Variants in ARID1B observed in about 807,000 individuals in gnomAD.
ARID1B encodes AT-rich interaction domain 1B, also known as AT-rich interactive domain-containing protein 1B.
In ARID1B, 30 loss-of-function variants were observed where a neutral mutation model predicts 212.3. The ratio of observed to expected loss-of-function variants is 0.14; its 90% confidence interval spans 0.11 to 0.19. The LOEUF is 0.19. Among genes scored for constraint, ARID1B ranks in the 10% least tolerant of loss-of-function variants. The pLI, the probability that ARID1B is intolerant of heterozygous loss-of-function variation, is 1.00. For synonymous variants in ARID1B, 1,402 were observed against 1,301.7 expected (o/e 1.08, Z -1.66); for missense variants, 2,891 against 3,204.0 (o/e 0.90, Z 2.36).
At chr6:156,900,304 T>C (rs1163383985) in intron 2 of ARID1B, among the ~76,000 whole-genome samples, 1 of 152,204 alleles carries the variant, frequency 6.6e-6, no homozygotes, top group East Asian at 1.9e-4. Flanking sequence ...TACCCCATTG[T>C]ATATGTTAGG....
intron 15 of ARID1B, 123 bp from the exon 16 acceptor site, chr6:157,196,042 G>C: frequency 8.0e-7 from 1 of 1,248,782 alleles, no homozygotes; most frequent in Non-Finnish European, 1.1e-6. Flanking sequence ...CTGGGCGACA[G>C]AGTGAGACTC....
chr6:157,186,895 G>T (rs1228243339), intron 13 of ARID1B, among the ~76,000 whole-genome samples: 1 of 152,158 alleles, frequency 6.6e-6, no homozygotes, highest in Non-Finnish European at 1.5e-5. Context: ...TCAATTTGGG[G>T]TGCTAATACA....
At chr6:156,940,157 T>C (rs1792560704) in intron 4 of ARID1B, 1 of 152,220 alleles carries the variant, frequency 6.6e-6, no homozygotes, top group East Asian at 1.9e-4. Context: ...ACAATCAGTT[T>C]GGAATACAAT....
chr6:157,037,998 T>C (rs2128509862), intron 4 of ARID1B, among the ~76,000 whole-genome samples: 1 of 152,378 alleles, frequency 6.6e-6, no homozygotes, highest in South Asian at 2.1e-4. Context: ...CAGACCTGAA[T>C]TGTCGATCAA....
chr6:156,917,135 T>C (rs76042686), intron 3 of ARID1B, among the ~76,000 whole-genome samples: 1 of 143,846 alleles, frequency 7.0e-6, no homozygotes, highest in African/African-American at 2.8e-5. Flanking sequence ...GAAGTCACCA[T>C]TTTTTTTTTA....
chr6:156,784,258 G>T (rs1779481613), intron 1 of ARID1B, among the ~76,000 whole-genome samples: 1 of 152,164 alleles, frequency 6.6e-6, no homozygotes, highest in East Asian at 1.9e-4. Context: ...GTGTGTGCTT[G>T]CTTGAGGCTG....
At position 156,778,180 on chromosome 6, in the gene ARID1B, A is replaced by ACCACCACCACCACCATGC. The variant is rs750515649; in HGVS notation, c.516_533dup (p.Ala173_His178dup). On this transcript the variant is annotated inframe_insertion, in exon 1 of 20. Transcript: ENST00000636930. Reference sequence around the variant, plus strand: ...CCCGCCGCGCCGCCCCACCAGCAGCACCACCACCACCACCATGCCCACCAC... The same window carrying ACCACCACCACCACCATGC: ...CCCGCCGCGCCGCCCCACCAGCAGCACCACCACCACCACCATGCCCACCACCACCACCATGCCCACCAC... 2.6e-6 allele frequency: 4 copies of ACCACCACCACCACCATGC among 1,532,956 alleles called. No homozygotes were observed. Among genetic ancestry groups the ACCACCACCACCACCATGC allele is most frequent in the Non-Finnish European group, 2.6e-6 (3 of 1,142,624 alleles). 95.0% of individuals were successfully genotyped at this position (1,532,956 alleles called of 1,614,324 possible).
intron 4 of ARID1B, among the ~76,000 whole-genome samples, chr6:156,971,743 G>A (rs1776942770): frequency 6.6e-6 from 1 of 152,130 alleles, no homozygotes; most frequent in African/African-American, 2.4e-5. Flanking sequence ...TGGAGCTCAT[G>A]GCACCTTGCT....
At chr6:156,956,492 C>T (rs1047006108) in intron 4 of ARID1B, among the ~76,000 whole-genome samples, 3 of 152,082 alleles carry the variant, frequency 2.0e-5, no homozygotes, top group Admixed American at 2.0e-4. Context: ...GGGACAGCAG[C>T]CCTTTCTGTG....
At chr6:156,927,539 A>G (rs193004456) in intron 3 of ARID1B, among the ~76,000 whole-genome samples, 1 of 152,214 alleles carries the variant, frequency 6.6e-6, no homozygotes, top group East Asian at 1.9e-4. Flanking sequence ...TGGTGGCATT[A>G]TTGATGCTCT....
At position 157,203,510 on chromosome 6, in the gene ARID1B, G is replaced by T; in HGVS notation, c.5264-356G>T. The T allele has an allele frequency of 5.0e-6, 1 of 199,936 alleles. No homozygotes were observed. The highest frequency in any genetic ancestry group is 1.0e-5 in the Non-Finnish European group (1 of 97,490). 12.4% of individuals were successfully genotyped at this position (199,936 alleles called of 1,614,324 possible). A position where few individuals can be genotyped will look rare whatever the true frequency, so the allele number is the denominator to read the frequency against. On this transcript the variant is annotated intron_variant, in intron 18 of 19. Coordinates refer to ENST00000636930, the MANE Select transcript of ARID1B (RefSeq NM_001374828.1). This position sits in a 1 kb window ranked among gnomAD's most constrained non-coding sequence, Gnocchi z 4.4. ...CAAAAGAAGACAAATACCACTTTTG[G>T]GTTTGACTCATTTATTAAAAGCTCT...
chr6:156,803,324 A>T (rs1444530308), intron 1 of ARID1B, among the ~76,000 whole-genome samples: 1 of 152,140 alleles, frequency 6.6e-6, no homozygotes, highest in African/African-American at 2.4e-5. Flanking sequence ...ATTTCCTGTG[A>T]TTTTTCAGTA....
At chr6:157,102,203 T>A (rs1171739822) in intron 5 of ARID1B, among the ~76,000 whole-genome samples, 1 of 152,200 alleles carries the variant, frequency 6.6e-6, no homozygotes, top group East Asian at 1.9e-4. Context: ...AATGTGGGAA[T>A]CCTATTCACC....
chr6:157,144,733 C>T (rs967863670), intron 7 of ARID1B, among the ~76,000 whole-genome samples: 1 of 152,164 alleles, frequency 6.6e-6, no homozygotes, highest in African/African-American at 2.4e-5. Context: ...CCAGGGTGCA[C>T]AGAAGGTGCC....
At chr6:157,017,963 CAAAAAAA>C (rs112983063) in intron 4 of ARID1B, among the ~76,000 whole-genome samples, 3 of 97,316 alleles carry the variant, frequency 3.1e-5, no homozygotes, top group Non-Finnish European at 6.2e-5. Context: ...ACCATCTCTA[CAAAAAAA>C]AAAAAAAAAA....
intron 1 of ARID1B, among the ~76,000 whole-genome samples, chr6:156,797,289 A>G (rs1456806940): frequency 6.6e-6 from 1 of 152,184 alleles, no homozygotes; most frequent in Non-Finnish European, 1.5e-5. Context: ...GCTGCCGTTT[A>G]TTGTAGGGAT....
intron 4 of ARID1B, among the ~76,000 whole-genome samples, chr6:156,987,159 C>CAGAGAGAGAGAGAGAG (rs56189333): frequency 3.5e-5 from 5 of 141,622 alleles, no homozygotes; most frequent in African/African-American, 1.3e-4. Flanking sequence ...GCCTCGGTGA[C>CAGAGAGAGAGAGAGAG]AGAGAGAGAG....
intron 2 of ARID1B, among the ~76,000 whole-genome samples, chr6:156,895,735 T>TACAC (rs79108130): frequency 1.4e-4 from 21 of 150,372 alleles, no homozygotes; most frequent in African/African-American, 3.4e-4. Context: ...TACAGGTGTA[T>TACAC]ACACACACAC....
At chr6:156,848,295 T>C (rs1784357238) in intron 2 of ARID1B, among the ~76,000 whole-genome samples, 1 of 152,200 alleles carries the variant, frequency 6.6e-6, no homozygotes, top group South Asian at 2.1e-4. Context: ...CCAAGACCAG[T>C]GTGAAACTAA....
Sources: allele counts gnomAD v4.1 joint callset (sites outside exome capture counted in the v4.1 genomes callset), GRCh38; gene constraint gnomAD v4.1.1; non-coding constraint Gnocchi (gnomAD v3.1); transcripts MANE v1.5; gene names NCBI Gene and HGNC (gene_info 2026-07-23, HGNC 2026-07-21).